The following ANK1 variants were observed in gnomAD, a reference collection of about 807,000 sequenced individuals.
ANK1 encodes ankyrin 1.
In ANK1, 51 loss-of-function variants were observed where a neutral mutation model predicts 210.4. That is an observed-to-expected ratio of 0.24 (90% confidence interval 0.19 to 0.31). ANK1 has a LOEUF of 0.31. Ranked by LOEUF, ANK1 falls within the 10% of genes least tolerant of loss-of-function variation. ANK1 has a pLI of 1.00. For missense variants in ANK1, 2,051 were observed against 2,504.4 expected, an observed-to-expected ratio of 0.82 and a Z score of 3.86; for synonymous variants, 967 against 1,025.9, an observed-to-expected ratio of 0.94 and a Z score of 1.10.
intron 37 of ANK1, among the ~76,000 whole-genome samples, chr8:41,683,656 G>A (rs933525305): frequency 6.6e-6 from 1 of 152,206 alleles, no homozygotes; most frequent in African/African-American, 2.4e-5. Context: ...GGAATTTTAG[G>A]GATCCAATCC....
At chr8:41,790,911 G>A (rs1307620366) in intron 1 of ANK1, among the ~76,000 whole-genome samples, 1 of 152,108 alleles carries the variant, frequency 6.6e-6, no homozygotes, top group African/African-American at 2.4e-5. Context: ...GGGAGATGAG[G>A]GTCCTCTAGC....
intron 1 of ANK1, among the ~76,000 whole-genome samples, chr8:41,794,291 T>C (rs1848312401): frequency 6.6e-6 from 1 of 152,164 alleles, no homozygotes; most frequent in South Asian, 2.1e-4. Context: ...CCTGCCTCAC[T>C]CTGCTTCAAC....
intron 14 of ANK1, 133 bp downstream of exon 14, chr8:41,715,519 G>T: frequency 8.3e-7 from 1 of 1,198,952 alleles, no homozygotes; most frequent in East Asian, 2.5e-5. Context: ...CCAGCCCTGA[G>T]TGTGACGACC....
Position 41,655,593 on chromosome 8 carries a change from G to C in ANK1, c.*197C>G. 9.2e-7 allele frequency: 1 copy of C among 1,082,482 alleles called. No homozygotes were observed. The highest frequency in any genetic ancestry group is 1.4e-6 in the Non-Finnish European group (1 of 717,774). 67.1% of individuals were successfully genotyped at this position (1,082,482 alleles called of 1,614,324 possible). ...CCTGGAGGTCATGCGTCTACAGTCA[G>C]TCATTCATGCCAAGAGGGGACTAGC... On this transcript the variant is annotated 3_prime_UTR_variant, in exon 43 of 43. Coordinates refer to ENST00000289734, the MANE Select transcript of ANK1 (RefSeq NM_000037.4).
intron 1 of ANK1, among the ~76,000 whole-genome samples, chr8:41,882,461 T>G (rs1414995020): frequency 6.6e-6 from 1 of 152,036 alleles, no homozygotes; most frequent in African/African-American, 2.4e-5. Flanking sequence ...GCAAAAGGTG[T>G]TCAGCACCTG....
At chr8:41,830,736 C>T (rs972899685) in intron 1 of ANK1, among the ~76,000 whole-genome samples, 5 of 152,120 alleles carry the variant, frequency 3.3e-5, no homozygotes, top group Non-Finnish European at 4.4e-5. Context: ...GCCAAAGAAA[C>T]GCAGACACCA....
chr8:41,664,159 C>G, intron 39 of ANK1: 1 of 458,268 alleles, frequency 2.2e-6, no homozygotes, highest in Non-Finnish European at 4.4e-6. Context: ...ACCCCAGAGC[C>G]AGTTGGTGAC....
chr8:41,675,949 A>G (rs1455053629), intron 37 of ANK1, among the ~76,000 whole-genome samples: 1 of 152,108 alleles, frequency 6.6e-6, no homozygotes, highest in Non-Finnish European at 1.5e-5. Flanking sequence ...ATGTATCAAT[A>G]ATTTATTTCT....
chr8:41,690,197 G>A (rs1586113570), intron 33 of ANK1, 30 bp downstream of exon 33: 2 of 1,613,910 alleles, frequency 1.2e-6, no homozygotes, highest in East Asian at 4.5e-5. Flanking sequence ...GCCGTCTCGG[G>A]CCAAGGCTCC....
At position 41,692,968 on chromosome 8, in the gene ANK1, C is replaced by CT. The variant is rs1178232949; in HGVS notation, c.3630-93dup. The CT allele has an allele frequency of 2.9e-5, 45 of 1,528,216 alleles. No homozygotes were observed. In the Middle Eastern group the frequency reaches 5.1e-4, roughly 17 times the overall value. The allele number at this position is 1,528,216 out of a possible 1,614,324, so 94.7% of individuals were successfully genotyped here. A position where few individuals can be genotyped will look rare whatever the true frequency, so the allele number is the denominator to read the frequency against. On this transcript the variant is annotated intron_variant, in intron 30 of 42. Transcript: ENST00000289734. ...GAGCAGCCCGTGAGCCATACCATGGCTACTATTGCCACACCTGTGGTCACG... is the reference window on the plus strand; with the variant it reads ...GAGCAGCCCGTGAGCCATACCATGGCTTACTATTGCCACACCTGTGGTCACG...
At chr8:41,726,595 C>T (rs192727993) in intron 5 of ANK1, among the ~76,000 whole-genome samples, 40 of 152,246 alleles carry the variant, frequency 2.6e-4, no homozygotes, top group South Asian at 6.2e-4. Flanking sequence ...CTGTGTTGCC[C>T]AGGCTGGTCT....
chr8:41,889,172 T>C (rs1343609178), intron 1 of ANK1, among the ~76,000 whole-genome samples: 1 of 152,132 alleles, frequency 6.6e-6, no homozygotes. Context: ...CTTTGACTCT[T>C]CTCTCAGTGC....
At chr8:41,795,213 G>T (rs997454266) in intron 1 of ANK1, among the ~76,000 whole-genome samples, 2 of 152,098 alleles carry the variant, frequency 1.3e-5, no homozygotes, top group South Asian at 2.1e-4. Context: ...TGGCAACCTG[G>T]GTTTAAAAAC....
At chr8:41,760,728 T>TAAAAGAA (rs34043469) in intron 1 of ANK1, among the ~76,000 whole-genome samples, 394 of 152,234 alleles carry the variant, frequency 2.6e-3, no homozygotes, top group African/African-American at 9.1e-3. Flanking sequence ...TCATGATGCT[T>TAAAAGAA]AAAAGAAATA....
chr8:41,862,721 C>T (rs116353570), intron 1 of ANK1, among the ~76,000 whole-genome samples: 1,699 of 150,476 alleles, frequency 0.011, 38 homozygotes, highest in African/African-American at 0.04. Context: ...AAAGAAAAAC[C>T]ACTGCAGGCC....
chr8:41,789,479 T>G (rs6474364), intron 1 of ANK1, among the ~76,000 whole-genome samples: 118,053 of 152,114 alleles, frequency 0.78, 46,674 homozygotes, highest in African/African-American at 0.86. Flanking sequence ...CAGAGCACAG[T>G]TTGGAGGTCA....
At chr8:41,703,892 C>G in intron 20 of ANK1, 149 bp downstream of exon 20, 1 of 721,486 alleles carries the variant, frequency 1.4e-6, no homozygotes, top group East Asian at 2.7e-5. Context: ...ACCCCATCCC[C>G]AGGGTACCCA....
Position 41,692,659 on chromosome 8 carries a change from T to C in ANK1, c.3847A>G (p.Arg1283Gly). 3 of 1,613,638 alleles carry C rather than the reference T, an allele frequency of 1.9e-6. No homozygotes were observed. The highest frequency in any genetic ancestry group is 2.5e-6 in the Non-Finnish European group (3 of 1,179,996). The change falls in exon 31 of 43, where the codon AGG (arginine) becomes GGG (glycine). Residue 1283 changes from arginine to glycine, a missense_variant. Arg to Gly is a moderately radical substitution (Grantham distance 125, BLOSUM62 -2). Transcript: ENST00000289734. Reference sequence around the variant, plus strand: ...CCCAGCCCTGTTACCTCTATGTCCCTGCTCCGGGCCACCTCCACGAAGTTC... The same window carrying C: ...CCCAGCCCTGTTACCTCTATGTCCCCGCTCCGGGCCACCTCCACGAAGTTC... ...HENFVEVARS[R>G]DIEVLEGMSL... is the part of the protein sequence containing the mutation.
chr8:41,799,146 C>T (rs779046147), upstream of ANK1, among the ~76,000 whole-genome samples: 4 of 152,236 alleles, frequency 2.6e-5, no homozygotes, highest in Non-Finnish European at 4.4e-5. Context: ...AGCACTTGGA[C>T]TCAAAACAAT....
Sources: allele counts gnomAD v4.1 joint callset (sites outside exome capture counted in the v4.1 genomes callset), GRCh38; gene constraint gnomAD v4.1.1; transcripts MANE v1.5; gene names NCBI Gene and HGNC (gene_info 2026-07-23, HGNC 2026-07-21).